Variants in RORA observed in about 807,000 individuals in gnomAD.
The protein encoded by RORA is nuclear receptor ROR-alpha.
RORA carries 7 observed loss-of-function variants against 69.5 expected under a neutral mutation model. That is an observed-to-expected ratio of 0.10 (90% CI 0.06 to 0.19). RORA has a LOEUF of 0.19. Ranked by LOEUF, RORA falls within the 10% of genes least tolerant of loss-of-function variation. The probability of loss-of-function intolerance (pLI) is 1.00; values close to 1 mark genes in which losing one functional copy is unlikely to be tolerated. For missense variants in RORA, 457 were observed against 663.0 expected (o/e 0.69, Z 3.41); for synonymous variants, 261 against 240.8 (o/e 1.08, Z -0.78).
intron 2 of RORA, among the ~76,000 whole-genome samples, chr15:60,670,475 G>C (rs1011061044): frequency 6.6e-6 from 1 of 152,080 alleles, no homozygotes; most frequent in African/African-American, 2.4e-5. Flanking sequence ...CTCCCAAAGT[G>C]CTGGGATTAC....
chr15:61,041,438 A>T (rs1896764612), intron 1 of RORA, among the ~76,000 whole-genome samples: 1 of 152,178 alleles, frequency 6.6e-6, no homozygotes, highest in Non-Finnish European at 1.5e-5. Context: ...AGAAATTAAC[A>T]TTTGTCGAGC....
chr15:60,613,017 C>G (rs1203545729), intron 2 of RORA, among the ~76,000 whole-genome samples: 1 of 150,864 alleles, frequency 6.6e-6, no homozygotes, highest in Admixed American at 6.6e-5. Context: ...GGCCACTGTT[C>G]AGGAATTTTT....
At chr15:60,558,308 TG>T in intron 2 of RORA, 1 of 1,607,340 alleles carries the variant, frequency 6.2e-7, no homozygotes, top group Non-Finnish European at 8.5e-7. Context: ...AGTTCATCCC[TG>T]GAACGAAAAT....
chr15:60,522,770 TAAAAAAAAA>T (rs34289911), intron 3 of RORA, among the ~76,000 whole-genome samples: 3 of 124,170 alleles, frequency 2.4e-5, no homozygotes, highest in African/African-American at 9.4e-5. Context: ...CCCTGTGTCT[TAAAAAAAAA>T]AAAAAAAAAA....
At chr15:60,590,083 A>C (rs889579431) in intron 2 of RORA, among the ~76,000 whole-genome samples, 1 of 152,136 alleles carries the variant, frequency 6.6e-6, no homozygotes, top group African/African-American at 2.4e-5. Context: ...GTTTGCACCA[A>C]AGCAAGATAA....
chr15:60,705,002 T>C lies in RORA; in HGVS notation c.167-26316A>G, dbSNP rs117605741. ...TGACTGCCGAGGGTTGGCAATGCTT[T>C]TCGTGAGCCCACAGAGGCATTGCAG... On this transcript the variant is annotated intron_variant, in intron 1 of 10. Transcript: ENST00000335670. 6.2e-4 allele frequency among the ~76,000 whole-genome samples: 94 copies of C among 152,332 alleles called. 1 individual carries two copies. In the East Asian group the frequency reaches 0.013, roughly 21 times the overall value.
intron 1 of RORA, among the ~76,000 whole-genome samples, chr15:60,985,306 A>G (rs774062604): frequency 1.2e-4 from 18 of 152,178 alleles, no homozygotes; most frequent in Non-Finnish European, 1.9e-4. Flanking sequence ...GGTTATTAGT[A>G]TCTTTGAGTG....
chr15:61,076,131 G>C (rs373027544), intron 1 of RORA, among the ~76,000 whole-genome samples: 1 of 152,196 alleles, frequency 6.6e-6, no homozygotes, highest in African/African-American at 2.4e-5. Flanking sequence ...GCAGACCCGT[G>C]ATTCTCTGAC....
intron 1 of RORA, among the ~76,000 whole-genome samples, chr15:60,937,953 C>A (rs1462894037): frequency 1.3e-5 from 2 of 152,032 alleles, no homozygotes; most frequent in Non-Finnish European, 2.9e-5. Flanking sequence ...TTATGATGTG[C>A]CAGGAACCTC....
rs915251100 is a variant in RORA, at chr15:60,612,684, T to C, written c.196+65973A>G. Among the ~76,000 whole-genome samples the C allele has an allele frequency of 7.5e-5, 9 of 120,330 alleles. No individual in the cohort carries two copies. The South Asian group carries it at 7.8e-4, about 10-fold the overall frequency. The allele number at this position is 120,330 out of a possible 152,430, so 78.9% of individuals were successfully genotyped here. Reference sequence around the variant, plus strand: ...CTGTTTTTTTTTTTTTTTTTTTTTTTTCTCTCTCTCTGTTTTACTCTGTCC... The same window carrying C: ...CTGTTTTTTTTTTTTTTTTTTTTTTCTCTCTCTCTCTGTTTTACTCTGTCC... On this transcript the variant is annotated intron_variant, in intron 2 of 10. Coordinates refer to ENST00000335670, the MANE Select transcript of RORA (RefSeq NM_134261.3).
At chr15:60,756,412 T>G (rs2071802290) in intron 1 of RORA, among the ~76,000 whole-genome samples, 1 of 152,226 alleles carries the variant, frequency 6.6e-6, no homozygotes, top group African/African-American at 2.4e-5. Context: ...GTAGAAGAAT[T>G]CTGAAGTAAA....
intron 1 of RORA, among the ~76,000 whole-genome samples, chr15:61,114,770 T>G (rs1455362005): frequency 1.3e-5 from 2 of 152,284 alleles, no homozygotes; most frequent in Non-Finnish European, 1.5e-5. Flanking sequence ...CCCAAGCAAG[T>G]GCACTCCTTC....
At chr15:61,177,579 T>G (rs927689447) in intron 1 of RORA, among the ~76,000 whole-genome samples, 1 of 152,092 alleles carries the variant, frequency 6.6e-6, no homozygotes, top group Non-Finnish European at 1.5e-5. Flanking sequence ...CATTTGAGTG[T>G]TACAAATCTG....
At chr15:60,670,212 TTC>T (rs1567149121) in intron 2 of RORA, among the ~76,000 whole-genome samples, 2 of 71,778 alleles carry the variant, frequency 2.8e-5, no homozygotes, top group Non-Finnish European at 2.8e-5. Context: ...TTTTTTTTTT[TTC>T]TTTTTTTTTT....
chr15:60,807,473 T>C (rs1259874953), intron 1 of RORA, among the ~76,000 whole-genome samples: 2 of 152,160 alleles, frequency 1.3e-5, no homozygotes, highest in Non-Finnish European at 2.9e-5. Context: ...ATGGGTAGAA[T>C]CGACATTGTG....
At chr15:60,961,458 A>G (rs1341341539) in intron 1 of RORA, among the ~76,000 whole-genome samples, 1 of 152,208 alleles carries the variant, frequency 6.6e-6, no homozygotes, top group East Asian at 1.9e-4. Flanking sequence ...CAAGAAGAAA[A>G]TGTTTATCAC....
chr15:60,492,144 A>G lies in RORA; in HGVS notation c.*5311T>C, dbSNP rs2065052297. 6.6e-6 allele frequency: 1 copy of G among 152,190 alleles called. No individual in the cohort carries two copies. Among genetic ancestry groups the G allele is most frequent in the African/African-American group, 2.4e-5 (1 of 41,454 alleles). The allele number at this position is 152,190 out of a possible 1,614,324, so 9.4% of individuals were successfully genotyped here. On this transcript the variant is annotated 3_prime_UTR_variant, in exon 11 of 11. Transcript: ENST00000335670. ...AAGGTATCCTTTTCATCTTACAGAC[A>G]TGGGAAGTTTTCCCAGATTATGTTC...
rs201902795 is a variant in RORA, at chr15:60,606,108, T to TAAG, written c.196+72548_196+72549insCTT. On this transcript the variant is annotated intron_variant, in intron 2 of 10. Transcript: ENST00000335670. Reference sequence around the variant, plus strand: ...TTGAAAAAACAAGTTAAGCTTCACTTTAAAGCTTTCAGTTTTAACTGGAGG... The same window carrying TAAG: ...TTGAAAAAACAAGTTAAGCTTCACTTAAGTAAAGCTTTCAGTTTTAACTGGAGG... Among the ~76,000 whole-genome samples the TAAG allele has an allele frequency of 3.1e-4, 47 of 152,370 alleles. No homozygotes were observed. In the East Asian group the frequency reaches 7.3e-3, roughly 24 times the overall value.
At chr15:60,652,869 C>G (rs79612946) in intron 2 of RORA, among the ~76,000 whole-genome samples, 1 of 152,206 alleles carries the variant, frequency 6.6e-6, no homozygotes, top group Non-Finnish European at 1.5e-5. Flanking sequence ...GGTGCTTGCT[C>G]TCTTCCTCTC....
Sources: gnomAD v4.1 joint callset for allele counts (sites outside exome capture counted in the v4.1 genomes callset) on GRCh38, gnomAD v4.1.1 for gene constraint, MANE v1.5 for transcripts, NCBI Gene and HGNC (gene_info 2026-07-23, HGNC 2026-07-21) for gene names.